Variants in AUTS2 observed in about 807,000 individuals in gnomAD.
AUTS2 encodes activator of transcription and developmental regulator AUTS2, also known as autism susceptibility gene 2 protein.
A neutral mutation model predicts 112.4 loss-of-function variants in AUTS2; 17 were observed. That is an observed-to-expected ratio of 0.15 (90% confidence interval 0.10 to 0.23). The LOEUF (loss-of-function observed/expected upper bound fraction) is 0.23. Among genes scored for constraint, AUTS2 ranks in the 10% least tolerant of loss-of-function variants. The pLI is 1.00. For missense variants in AUTS2, 1,510 were observed against 1,701.6 expected (o/e 0.89, Z 1.98); for synonymous variants, 751 against 702.7 (o/e 1.07, Z -1.09).
chr7:70,312,276 A>G (rs184790971), intron 4 of AUTS2, among the ~76,000 whole-genome samples: 1 of 152,262 alleles, frequency 6.6e-6, no homozygotes, highest in Admixed American at 6.5e-5. Flanking sequence ...AGAAAGATCC[A>G]TTTAGCTTAT....
At chr7:70,729,310 G>T in intron 6 of AUTS2, 1 of 382,602 alleles carries the variant, frequency 2.6e-6, no homozygotes, top group Non-Finnish European at 5.3e-6. Flanking sequence ...CTGGTCAGGA[G>T]CCCGGCAGCC....
chr7:70,337,762 A>C (rs1791061847), intron 4 of AUTS2, among the ~76,000 whole-genome samples: 1 of 152,224 alleles, frequency 6.6e-6, no homozygotes, highest in South Asian at 2.1e-4. Context: ...ATGTGTGTTC[A>C]TGCATGTTAA....
In AUTS2 at chr7:70,790,888, C is replaced by A. The variant is rs751289831; in HGVS notation, c.3672C>A (p.Ile1224=). Residue 1224 remains isoleucine (I), a synonymous_variant, in exon 19 of 19, where the codon ATC becomes ATA. Coordinates refer to ENST00000342771, the MANE Select transcript of AUTS2 (RefSeq NM_015570.4). The surrounding 1 kb of genome is among the most constrained non-coding windows in gnomAD (Gnocchi z 7.6). The part of the protein sequence containing the change: ...TAALSAPPPL[I]STLGGRPVSP... Reference sequence around the variant, plus strand: ...CGCTGAGCGCACCTCCCCCGCTCATCTCCACGCTGGGGGGCCGCCCGGTCT... The same window carrying A: ...CGCTGAGCGCACCTCCCCCGCTCATATCCACGCTGGGGGGCCGCCCGGTCT... 9 of 1,599,848 alleles carry A rather than the reference C, an allele frequency of 5.6e-6. No homozygotes were observed. In the East Asian group the frequency reaches 2.0e-4, roughly 36 times the overall value.
At chr7:70,324,565 C>G (rs1790401072) in intron 4 of AUTS2, among the ~76,000 whole-genome samples, 1 of 151,854 alleles carries the variant, frequency 6.6e-6, no homozygotes, top group African/African-American at 2.4e-5. Flanking sequence ...TTCAAGGCTA[C>G]AGTAAACTGT....
chr7:70,136,803 C>CT (rs1311427408), intron 4 of AUTS2, among the ~76,000 whole-genome samples: 2 of 152,200 alleles, frequency 1.3e-5, no homozygotes, highest in Non-Finnish European at 2.9e-5. Flanking sequence ...GCTGAAGGCA[C>CT]TTTTAACAAT....
In AUTS2 at chr7:70,790,942, A is replaced by G. The variant is rs891414073; in HGVS notation, c.3726A>G (p.Ala1242=). The G allele has an allele frequency of 6.5e-7, 1 of 1,538,374 alleles. No individual in the cohort carries two copies. The highest frequency in any genetic ancestry group is 8.7e-7 in the Non-Finnish European group (1 of 1,143,904). Residue 1242 remains alanine, a synonymous_variant, in exon 19 of 19, where the codon GCA becomes GCG. Coordinates refer to ENST00000342771, the MANE Select transcript of AUTS2 (RefSeq NM_015570.4). This position sits in a 1 kb window ranked among gnomAD's most constrained non-coding sequence, Gnocchi z 7.6. The part of the protein sequence containing the change: ...VSPRRTTPLS[A]EIRERPPSHT... ...CCAGAAGGACGACTCCTCTGTCCGC[A>G]GAGATAAGGGAGAGGCCCCCTTCCC...
intron 4 of AUTS2, among the ~76,000 whole-genome samples, chr7:70,311,419 A>G (rs1470685694): frequency 6.6e-6 from 1 of 152,154 alleles, no homozygotes; most frequent in Non-Finnish European, 1.5e-5. Flanking sequence ...GCCAAAAAAC[A>G]TTTTTAAAGC....
intron 5 of AUTS2, among the ~76,000 whole-genome samples, chr7:70,664,837 G>A (rs1017553991): frequency 4.6e-5 from 7 of 152,288 alleles, no homozygotes; most frequent in South Asian, 2.1e-4. Context: ...TTGGGAGGCC[G>A]AGCTGGGAGG....
rs574700257 is a variant in AUTS2, at chr7:70,532,970, C to T, written c.690+97189C>T. ...CCACTCCTGAAAGGATTATAATCCT[C>T]ATTCTTGTAGTTGTGGATGGTTATG... On this transcript the variant is annotated intron_variant, in intron 5 of 18. Coordinates refer to ENST00000342771, the MANE Select transcript of AUTS2 (RefSeq NM_015570.4). 5.3e-4 allele frequency among the ~76,000 whole-genome samples: 81 copies of T among 152,194 alleles called. 1 individual carries two copies. The highest frequency in any genetic ancestry group is 1.0e-3 in the Non-Finnish European group (70 of 68,044).
chr7:70,404,418 A>G (rs1794448510), intron 4 of AUTS2, among the ~76,000 whole-genome samples: 1 of 152,118 alleles, frequency 6.6e-6, no homozygotes, highest in South Asian at 2.1e-4. Flanking sequence ...ATTCAGTTGT[A>G]TTCTCTTTGT....
At position 70,631,969 on chromosome 7, in the gene AUTS2, C is replaced by T. The variant is rs1471923072; in HGVS notation, c.691-66600C>T. 6.6e-6 allele frequency among the ~76,000 whole-genome samples: 1 copy of T among 151,730 alleles called. No individual in the cohort carries two copies. Among genetic ancestry groups the T allele is most frequent in the Admixed American group, 6.6e-5 (1 of 15,230 alleles). ...GGCCTCCTGTGGAGACCCGATCTGC[C>T]GTCCTGGTGGGCAGCAGGTGTGAGC... On this transcript the variant is annotated intron_variant, in intron 5 of 18. Transcript: ENST00000342771. This position sits in a 1 kb window ranked among gnomAD's most constrained non-coding sequence, Gnocchi z 4.5.
chr7:69,898,763 T>TA (rs776219262), intron 1 of AUTS2, among the ~76,000 whole-genome samples: 2 of 152,152 alleles, frequency 1.3e-5, no homozygotes, highest in Non-Finnish European at 2.9e-5. Context: ...GAGGAACATG[T>TA]AAAAAAATAT....
intron 6 of AUTS2, among the ~76,000 whole-genome samples, chr7:70,720,276 T>G (rs57239026): frequency 0.11 from 16,238 of 152,000 alleles, 1,554 homozygotes; most frequent in East Asian, 0.42. Context: ...GCTCTAATAT[T>G]CACAAGCCTC....
At chr7:70,223,084 TCA>T (rs886623287) in intron 4 of AUTS2, among the ~76,000 whole-genome samples, 1 of 152,190 alleles carries the variant, frequency 6.6e-6, no homozygotes, top group Middle Eastern at 3.4e-3. Context: ...AGACGGGGTT[TCA>T]CCATGTTGGC....
chr7:70,364,647 A>G (rs926130503), intron 4 of AUTS2, among the ~76,000 whole-genome samples: 1 of 151,800 alleles, frequency 6.6e-6, no homozygotes, highest in Admixed American at 6.6e-5. Flanking sequence ...GTCCTTTTAA[A>G]TAAGTATTTC....
In AUTS2 at chr7:70,236,062, C is replaced by A. The variant is rs1812312135; in HGVS notation, c.660+101491C>A. ...CGATATAACATTTTATATTCTTCAC[C>A]ACCAACCCAGACTAGAATGTCAGGT... is the stretch of plus-strand genomic sequence containing the variant. On this transcript the variant is annotated intron_variant, in intron 4 of 18. Transcript: ENST00000342771. Among the ~76,000 whole-genome samples the A allele has an allele frequency of 2.0e-5, 3 of 152,214 alleles. No homozygotes were observed. The South Asian group carries it at 6.2e-4, about 32-fold the overall frequency.
intron 1 of AUTS2, among the ~76,000 whole-genome samples, chr7:69,817,750 C>T (rs1427479532): frequency 1.3e-5 from 2 of 152,118 alleles, no homozygotes; most frequent in African/African-American, 2.4e-5. Flanking sequence ...GCGGGACAGC[C>T]CTGCCCGGGG....
chr7:70,570,690 C>G (rs569861889), intron 5 of AUTS2, among the ~76,000 whole-genome samples: 6 of 152,280 alleles, frequency 3.9e-5, no homozygotes, highest in Admixed American at 3.9e-4. Flanking sequence ...GGTTCCCATT[C>G]TTTTTCCAGG....
chr7:69,879,542 A>G (rs1329735415), intron 1 of AUTS2, among the ~76,000 whole-genome samples: 1 of 152,160 alleles, frequency 6.6e-6, no homozygotes, highest in East Asian at 1.9e-4. Context: ...TTCCTAGAGT[A>G]CTAAATGTAA....
Sources: gnomAD v4.1 joint callset for allele counts (sites outside exome capture counted in the v4.1 genomes callset) on GRCh38, gnomAD v4.1.1 for gene constraint, Gnocchi (gnomAD v3.1) non-coding constraint, MANE v1.5 for transcripts, NCBI Gene and HGNC (gene_info 2026-07-23, HGNC 2026-07-21) for gene names.